TTC28: variants seen among roughly 807,000 people sequenced by gnomAD.
TTC28 encodes the protein tetratricopeptide repeat domain 28.
Under a neutral mutation model 198.0 loss-of-function variants are expected in TTC28, and 61 were observed. That is an observed-to-expected ratio of 0.31 (90% confidence interval 0.25 to 0.38). TTC28 has a LOEUF of 0.38. Ranked by LOEUF, TTC28 falls within the 10% of genes least tolerant of loss-of-function variation. The pLI, the probability that TTC28 is intolerant of heterozygous loss-of-function variation, is 1.00. For missense variants in TTC28, 2,678 were observed against 3,164.0 expected, an observed-to-expected ratio of 0.85 and a Z score of 3.69; for synonymous variants, 1,171 against 1,297.8, an observed-to-expected ratio of 0.90 and a Z score of 2.10.
intron 2 of TTC28, among the ~76,000 whole-genome samples, chr22:28,380,768 T>C (rs1290278736): frequency 1.3e-5 from 2 of 152,312 alleles, no homozygotes; most frequent in East Asian, 1.9e-4. Flanking sequence ...AAATGCTTTA[T>C]ACATGGATTA....
intron 6 of TTC28, among the ~76,000 whole-genome samples, chr22:28,154,874 C>T (rs1210437620): frequency 6.6e-6 from 1 of 152,132 alleles, no homozygotes; most frequent in Non-Finnish European, 1.5e-5. Context: ...TATCTTCTTT[C>T]TTTTTCTCCT....
chr22:28,220,906 T>C (rs997323391), intron 5 of TTC28, among the ~76,000 whole-genome samples: 3 of 152,016 alleles, frequency 2.0e-5, no homozygotes, highest in African/African-American at 7.2e-5. Flanking sequence ...GTGAGGAGAA[T>C]GAATGAGCTT....
chr22:28,257,427 AAAG>A (rs771996533), intron 5 of TTC28, among the ~76,000 whole-genome samples: 1 of 152,104 alleles, frequency 6.6e-6, no homozygotes, highest in African/African-American at 2.4e-5. Context: ...TCAGCCATAA[AAAG>A]AAGGGAATTC....
At chr22:28,543,144 G>T (rs2049454061) in intron 2 of TTC28, among the ~76,000 whole-genome samples, 1 of 152,098 alleles carries the variant, frequency 6.6e-6, no homozygotes, top group African/African-American at 2.4e-5. Flanking sequence ...AGACCAGCCT[G>T]GGCAACACAG....
chr22:28,426,038 C>T (rs1007153095), intron 2 of TTC28, among the ~76,000 whole-genome samples: 3 of 151,838 alleles, frequency 2.0e-5, no homozygotes, highest in African/African-American at 7.3e-5. Flanking sequence ...TGGTGAAATC[C>T]CATCTCTACT....
At chr22:28,118,119 C>T (rs1357788101) in intron 6 of TTC28, among the ~76,000 whole-genome samples, 1 of 152,118 alleles carries the variant, frequency 6.6e-6, no homozygotes, top group Non-Finnish European at 1.5e-5. Context: ...GAATTATGGG[C>T]CAGGAGCGGT....
chr22:28,510,745 A>G (rs1463711622), intron 2 of TTC28, among the ~76,000 whole-genome samples: 4 of 152,148 alleles, frequency 2.6e-5, no homozygotes, highest in Non-Finnish European at 5.9e-5. Flanking sequence ...ATGATCCTGT[A>G]TCTAGAAAAC....
At chr22:28,616,193 T>C (rs2050902549) in intron 2 of TTC28, among the ~76,000 whole-genome samples, 1 of 152,190 alleles carries the variant, frequency 6.6e-6, no homozygotes, top group South Asian at 2.1e-4. Flanking sequence ...CAGAATCACA[T>C]CAACCTGGGT....
chr22:28,326,529 A>G (rs2045532387), intron 2 of TTC28, among the ~76,000 whole-genome samples: 1 of 152,152 alleles, frequency 6.6e-6, no homozygotes, highest in Admixed American at 6.5e-5. Context: ...ATTACATTAT[A>G]TGTATTTTTT....
At chr22:28,516,007 G>A (rs140695614) in intron 2 of TTC28, among the ~76,000 whole-genome samples, 1,698 of 151,974 alleles carry the variant, frequency 0.011, 32 homozygotes, top group African/African-American at 0.039. Flanking sequence ...TTAACCGGGC[G>A]TGGTCGTGTG....
At chr22:28,271,259 C>G (rs969301160) in intron 5 of TTC28, among the ~76,000 whole-genome samples, 3 of 152,100 alleles carry the variant, frequency 2.0e-5, no homozygotes, top group African/African-American at 4.8e-5. Flanking sequence ...TTGGGTTAGA[C>G]TGTATACTCT....
At chr22:28,396,960 ACACAATGAAATGTACCAGAC>A (rs1304804367) in intron 2 of TTC28, among the ~76,000 whole-genome samples, 4 of 152,214 alleles carry the variant, frequency 2.6e-5, no homozygotes, top group African/African-American at 9.7e-5. Context: ...ATTCCTCTGT[ACACAATGAAATGTACCAGAC>A]CACAGCTTGA....
intron 2 of TTC28, among the ~76,000 whole-genome samples, chr22:28,512,755 C>A (rs186519300): frequency 2.6e-4 from 39 of 152,178 alleles, no homozygotes; most frequent in South Asian, 1.2e-3. Context: ...TGGGGAACAA[C>A]ACACACTGGG....
chr22:28,191,087 G>C (rs951505262), intron 5 of TTC28, among the ~76,000 whole-genome samples: 6 of 152,038 alleles, frequency 3.9e-5, no homozygotes, highest in African/African-American at 9.7e-5. Flanking sequence ...TCAGAACCTA[G>C]ACCTCCTGGC....
At chr22:28,506,996 G>C (rs1366511879) in intron 2 of TTC28, among the ~76,000 whole-genome samples, 1 of 152,196 alleles carries the variant, frequency 6.6e-6, no homozygotes, top group Non-Finnish European at 1.5e-5. Context: ...AAGCCAGAGT[G>C]CCTCTTCTCC....
At chr22:28,334,474 TAA>T (rs1411446292) in intron 2 of TTC28, among the ~76,000 whole-genome samples, 5 of 152,330 alleles carry the variant, frequency 3.3e-5, no homozygotes, top group African/African-American at 1.2e-4. Flanking sequence ...ACCAACGGTG[TAA>T]AAGTGTTCCT....
chr22:28,205,553 T>A (rs1019409218), intron 5 of TTC28, among the ~76,000 whole-genome samples: 1 of 152,040 alleles, frequency 6.6e-6, no homozygotes, highest in Non-Finnish European at 1.5e-5. Context: ...GAGATTAACA[T>A]AGAAAAATGT....
chr22:28,547,392 A>C (rs997555510), intron 2 of TTC28, among the ~76,000 whole-genome samples: 2 of 152,208 alleles, frequency 1.3e-5, no homozygotes, highest in African/African-American at 4.8e-5. Context: ...AGCTGAATGA[A>C]TGAAGGTGAA....
Position 27,983,347 on chromosome 22 carries a change from T to C in TTC28, c.6320A>G (p.Asn2107Ser), listed in dbSNP as rs533444178. The part of the protein sequence containing the change: ...VSSKGSISTP[N>S]SPVKMTLIPS... ...AATCAGAGTCATTTTCACTGGAGAA[T>C]TTGGAGTGCTGATGCTCCCTTTGGA... Residue 2107 changes from asparagine (N) to serine (S), a missense_variant, in exon 23 of 23, where the codon AAT becomes AGT. Transcript: ENST00000397906. The C allele has an allele frequency of 6.4e-7, 1 of 1,551,764 alleles. No homozygotes were observed. Among genetic ancestry groups the C allele is most frequent in the South Asian group, 1.2e-5 (1 of 84,044 alleles).
Sources: gnomAD v4.1 joint callset for allele counts (sites outside exome capture counted in the v4.1 genomes callset) on GRCh38, gnomAD v4.1.1 for gene constraint, MANE v1.5 for transcripts, NCBI Gene and HGNC (gene_info 2026-07-23, HGNC 2026-07-21) for gene names.